Variants in BTN2A1 observed in about 807,000 individuals in gnomAD.
BTN2A1 encodes butyrophilin, subfamily 2, member A1.
A neutral mutation model predicts 34.5 loss-of-function variants in BTN2A1; 41 were observed. That is an observed-to-expected ratio of 1.19 (90% CI 0.93 to 1.54). The LOEUF (loss-of-function observed/expected upper bound fraction) is 1.54, where lower values mean the gene tolerates loss of function less well. BTN2A1 is among the 40% of genes most tolerant of loss of function. BTN2A1 has a pLI of 0.00. For missense variants in BTN2A1, 642 were observed against 662.0 expected (o/e 0.97, Z 0.33); for synonymous variants, 267 against 258.6 (o/e 1.03, Z -0.31).
chr6:26,470,809 G>A (rs1439027249), downstream of BTN2A1, among the ~76,000 whole-genome samples: 1 of 152,128 alleles, frequency 6.6e-6, no homozygotes, highest in African/African-American at 2.4e-5. Context: ...ACTGAGTTAC[G>A]CCATCAGCTT....
chr6:26,475,002 A>T (rs1303595426), intron 7 of BTN2A1, among the ~76,000 whole-genome samples: 1 of 152,056 alleles, frequency 6.6e-6, no homozygotes. Flanking sequence ...ACCTCAAGTG[A>T]TCCACCCACC....
In BTN2A1 at chr6:26,465,900, A is replaced by G. The variant is rs1429195084; in HGVS notation, c.935-53A>G. 8 of 1,613,242 alleles carry G rather than the reference A, an allele frequency of 5.0e-6. No individual in the cohort carries two copies. In the African/African-American group the frequency reaches 9.4e-5, roughly 19 times the overall value. ...TTCCTGCATTGTTTACTAAAAACCC[A>G]ACTTCTTTTAGTTCTTCTGTCAAAG... is the stretch of plus-strand genomic sequence containing the variant. On this transcript the variant is annotated intron_variant, in intron 5 of 7. Coordinates refer to ENST00000312541, the MANE Select transcript of BTN2A1 (RefSeq NM_007049.5).
chr6:26,466,348 G>T (rs1474015101), intron 7 of BTN2A1, among the ~76,000 whole-genome samples: 2 of 152,292 alleles, frequency 1.3e-5, no homozygotes, highest in East Asian at 3.9e-4. Flanking sequence ...TACCAGAGGT[G>T]TCCCATATAT....
rs993547527 is a variant in BTN2A1, at chr6:26,462,881, G to A, written c.431-363G>A. 58 of 1,275,074 alleles carry A rather than the reference G, an allele frequency of 4.5e-5. No individual in the cohort carries two copies. The African/African-American group carries it at 7.7e-4, about 17-fold the overall frequency. The allele number at this position is 1,275,074 out of a possible 1,614,324, so 79.0% of individuals were successfully genotyped here. On this transcript the variant is annotated intron_variant, in intron 3 of 7. Coordinates refer to ENST00000312541, the MANE Select transcript of BTN2A1 (RefSeq NM_007049.5). ...AACCTGCCTGTTTGAAGTTGGAGTC[G>A]ACACACCCATCTCAAAGTGAGAAAA... is the stretch of plus-strand genomic sequence containing the variant.
At chr6:26,462,473 G>A (rs1421516075) in intron 3 of BTN2A1, among the ~76,000 whole-genome samples, 2 of 152,200 alleles carry the variant, frequency 1.3e-5, no homozygotes, top group African/African-American at 4.8e-5. Context: ...CTTGAGCCCA[G>A]GAGTACAAGG....
At chr6:26,464,053 C>T (rs75988204) in intron 4 of BTN2A1, among the ~76,000 whole-genome samples, 175 of 152,286 alleles carry the variant, frequency 1.1e-3, no homozygotes, top group Admixed American at 4.6e-3. Context: ...CCACCTGCCT[C>T]AGCCTTCCAA....
At chr6:26,474,419 A>G (rs182300628), downstream of BTN2A1, among the ~76,000 whole-genome samples, 1 of 152,358 alleles carries the variant, frequency 6.6e-6, no homozygotes, top group East Asian at 1.9e-4. Flanking sequence ...TTCTTTGTTC[A>G]AATTAAACCC....
chr6:26,466,529 T>C (rs1224138494), intron 7 of BTN2A1, among the ~76,000 whole-genome samples: 1 of 152,142 alleles, frequency 6.6e-6, no homozygotes, highest in African/African-American at 2.4e-5. Flanking sequence ...AAGCCTGACA[T>C]AAGGGTGTAC....
Position 26,465,426 on chromosome 6 carries a change from G to A in BTN2A1, c.934+20G>A. Reference sequence around the variant, plus strand: ...TAAAAGGTAAAAGAGGCTGAGTATGGTGGCTCATGGCTTGAATCCCAGCAC... The same window carrying A: ...TAAAAGGTAAAAGAGGCTGAGTATGATGGCTCATGGCTTGAATCCCAGCAC... On this transcript the variant is annotated intron_variant, in intron 5 of 7. Transcript: ENST00000312541. 1 of 1,610,584 alleles carries A rather than the reference G, an allele frequency of 6.2e-7. No homozygotes were observed. Among genetic ancestry groups the A allele is most frequent in the Non-Finnish European group, 8.5e-7 (1 of 1,177,446 alleles).
At chr6:26,470,111 G>C (rs577290218), downstream of BTN2A1, among the ~76,000 whole-genome samples, 30 of 152,324 alleles carry the variant, frequency 2.0e-4, no homozygotes, top group Middle Eastern at 3.4e-3. Flanking sequence ...ACTTTAGGAA[G>C]CCGAGGTGGG....
At chr6:26,467,865 CTG>C in intron 7 of BTN2A1, 81 bp from the exon 8 acceptor site, 1 of 1,565,262 alleles carries the variant, frequency 6.4e-7, no homozygotes, top group Non-Finnish European at 8.6e-7. Flanking sequence ...TCAGAGATAT[CTG>C]AGACCTCTCT....
In BTN2A1 at chr6:26,459,572, T is replaced by C. The variant is rs1763103862; in HGVS notation, c.174T>C (p.Asn58=). 6.2e-7 allele frequency: 1 copy of C among 1,613,506 alleles called. No individual in the cohort carries two copies. Among genetic ancestry groups the C allele is most frequent in the Middle Eastern group, 1.7e-4 (1 of 6,060 alleles). Residue 58 remains asparagine (N), a synonymous_variant, in exon 3 of 8, where the codon AAT becomes AAC. Coordinates refer to ENST00000312541, the MANE Select transcript of BTN2A1 (RefSeq NM_007049.5). ...GCTGCCATCTGTCACCCGAGAAAAA[T>C]GCTGAGGACATGGAGGTGCGGTGGT... ...TLRCHLSPEK[N]AEDMEVRWFR...
chr6:26,463,368 T>C lies in BTN2A1; in HGVS notation c.555T>C (p.Val185=). 2.5e-6 allele frequency: 4 copies of C among 1,614,068 alleles called. No homozygotes were observed. The highest frequency in any genetic ancestry group is 2.5e-6 in the Non-Finnish European group (3 of 1,180,002). The change falls in exon 4 of 8, where the codon GTT becomes GTC. Residue 185 remains valine (V), a synonymous_variant. Coordinates refer to ENST00000312541, the MANE Select transcript of BTN2A1 (RefSeq NM_007049.5). ...TGTGGAGGGACCCCTACGGTGGGGT[T>C]GCGCCTGCCCTGAAAGAGGTCTCCA... The part of the protein sequence containing the change: ...LTVWRDPYGG[V]APALKEVSMP...
At chr6:26,476,295 C>T (rs1474881855) in exon 8 of BTN2A1, 1 of 923,814 alleles carries the variant, frequency 1.1e-6, no homozygotes, top group Non-Finnish European at 1.7e-6. Flanking sequence ...GAGCCCATCG[C>T]TCTCTCCTGT....
rs746278743 is a variant in BTN2A1 at position 26,468,367 on chromosome 6, G to T, written c.1402G>T (p.Asp468Tyr). The T allele has an allele frequency of 4.3e-6, 7 of 1,614,198 alleles. No homozygotes were observed. The highest frequency in any genetic ancestry group is 1.7e-5 in the Admixed American group (1 of 60,028). The change falls in exon 8 of 8, where the codon GAC becomes TAC. Residue 468 changes from aspartate to tyrosine, a missense_variant. Coordinates refer to ENST00000312541, the MANE Select transcript of BTN2A1 (RefSeq NM_007049.5). ...AGDVSFYNMR[D>Y]RSHIYTCPRS... ...AGATGTCTCCTTCTACAACATGAGG[G>T]ACAGATCGCACATCTACACATGTCC...
downstream of BTN2A1, among the ~76,000 whole-genome samples, chr6:26,472,853 G>A (rs1456153042): frequency 6.6e-6 from 1 of 152,170 alleles, no homozygotes; most frequent in Non-Finnish European, 1.5e-5. Flanking sequence ...CCTGAAGGCA[G>A]GAAAGCTCCC....
downstream of BTN2A1, among the ~76,000 whole-genome samples, chr6:26,474,140 C>T (rs932881774): frequency 2.6e-5 from 4 of 152,192 alleles, no homozygotes; most frequent in African/African-American, 7.2e-5. Context: ...AAATAATGAA[C>T]TGCAACCTAA....
intron 2 of BTN2A1, 33 bp downstream of exon 2, chr6:26,458,751 A>G (rs775288227): frequency 1.6e-5 from 26 of 1,607,208 alleles, no homozygotes; most frequent in South Asian, 1.4e-4. Flanking sequence ...GCTGTCACCT[A>G]TCAGAAAGGA....
downstream of BTN2A1, among the ~76,000 whole-genome samples, chr6:26,473,863 A>G (rs997126162): frequency 2.0e-5 from 3 of 146,712 alleles, no homozygotes; most frequent in Non-Finnish European, 3.0e-5. Context: ...GTACAATTCA[A>G]TATCGTTTCA....
Sources: gnomAD v4.1 joint callset for allele counts (sites outside exome capture counted in the v4.1 genomes callset) on GRCh38, gnomAD v4.1.1 for gene constraint, MANE v1.5 for transcripts, NCBI Gene and HGNC (gene_info 2026-07-23, HGNC 2026-07-21) for gene names.